BCAR3: variants seen among roughly 807,000 people sequenced by gnomAD.
BCAR3 encodes breast cancer anti-estrogen resistance protein 3.
In BCAR3, 37 loss-of-function variants were observed where a neutral mutation model predicts 80.1. The ratio of observed to expected loss-of-function variants is 0.46; its 90% CI spans 0.36 to 0.61. BCAR3 has a LOEUF of 0.61. Ranked by LOEUF, BCAR3 falls within the 20% of genes least tolerant of loss-of-function variation. The probability of loss-of-function intolerance (pLI) is 0.00; values close to 1 mark genes in which losing one functional copy is unlikely to be tolerated. For missense variants in BCAR3, 978 were observed against 1,068.2 expected, an observed-to-expected ratio of 0.92 and a Z score of 1.18; for synonymous variants, 389 against 418.9, an observed-to-expected ratio of 0.93 and a Z score of 0.87.
intron 2 of BCAR3, among the ~76,000 whole-genome samples, chr1:93,777,893 A>G (rs978925828): frequency 6.6e-6 from 1 of 152,226 alleles, no homozygotes; most frequent in Non-Finnish European, 1.5e-5. Context: ...TCCAAAGGTG[A>G]ACAATGGTCT....
chr1:93,595,895 T>C (rs1674401395), intron 3 of BCAR3, among the ~76,000 whole-genome samples: 1 of 152,258 alleles, frequency 6.6e-6, no homozygotes, highest in South Asian at 2.1e-4. Flanking sequence ...ACATACAACC[T>C]GAATTACTGG....
chr1:93,770,143 C>T (rs1054855606), intron 2 of BCAR3, among the ~76,000 whole-genome samples: 1 of 152,176 alleles, frequency 6.6e-6, no homozygotes, highest in Non-Finnish European at 1.5e-5. Flanking sequence ...TTGGCCCAGG[C>T]TCCACTGGAG....
intron 3 of BCAR3, among the ~76,000 whole-genome samples, chr1:93,693,505 C>A (rs1649273541): frequency 6.6e-6 from 1 of 152,176 alleles, no homozygotes; most frequent in African/African-American, 2.4e-5. Context: ...ACAATCCTCG[C>A]ATATTCTGAA....
chr1:93,625,391 T>C (rs1272016532), intron 3 of BCAR3, among the ~76,000 whole-genome samples: 1 of 151,966 alleles, frequency 6.6e-6, no homozygotes, highest in Non-Finnish European at 1.5e-5. Flanking sequence ...GTAGAGACCA[T>C]GAGGAGACAG....
intron 4 of BCAR3, chr1:93,590,384 A>G (rs1043248487): frequency 2.6e-5 from 4 of 152,208 alleles, no homozygotes; most frequent in African/African-American, 9.7e-5. Context: ...ATCATCTGAA[A>G]AACACAAATG....
intron 2 of BCAR3, among the ~76,000 whole-genome samples, chr1:93,766,760 T>G (rs545782087): frequency 2.6e-5 from 4 of 152,370 alleles, no homozygotes; most frequent in South Asian, 4.1e-4. Flanking sequence ...GTCTATCTGT[T>G]GGAGGTTTCC....
At chr1:93,597,346 TTAA>T (rs2101859635) in intron 3 of BCAR3, among the ~76,000 whole-genome samples, 1 of 152,262 alleles carries the variant, frequency 6.6e-6, no homozygotes, top group East Asian at 1.9e-4. Flanking sequence ...AGTTAGAAAA[TTAA>T]TAAGTTACTA....
At chr1:93,762,199 C>G (rs1354778660) in intron 2 of BCAR3, among the ~76,000 whole-genome samples, 1 of 152,228 alleles carries the variant, frequency 6.6e-6, no homozygotes, top group Non-Finnish European at 1.5e-5. Context: ...AGACACATCT[C>G]ACTCCTCCAT....
intron 3 of BCAR3, among the ~76,000 whole-genome samples, chr1:93,615,380 G>A (rs184703095): frequency 1.6e-4 from 24 of 152,274 alleles, no homozygotes; most frequent in Admixed American, 9.8e-4. Flanking sequence ...GCAAGGGCCC[G>A]GCCTCATCAA....
intron 2 of BCAR3, among the ~76,000 whole-genome samples, chr1:93,832,536 A>C (rs151055561): frequency 1.1e-3 from 169 of 152,256 alleles, no homozygotes; most frequent in Non-Finnish European, 2.1e-3. Flanking sequence ...GAAGACTGAC[A>C]CTGCCCAATC....
chr1:93,601,585 A>C (rs1674625458), intron 3 of BCAR3, among the ~76,000 whole-genome samples: 1 of 152,250 alleles, frequency 6.6e-6, no homozygotes, highest in African/African-American at 2.4e-5. Flanking sequence ...TGCGAGTGCA[A>C]GACAGTTTTG....
At position 93,592,362 on chromosome 1, in the gene BCAR3, G is replaced by A. The variant is rs941343350; in HGVS notation, c.389C>T (p.Thr130Ile). The change falls in exon 4 of 12, where the codon ACC becomes ATC. Residue 130 changes from threonine to isoleucine, a missense_variant. By Grantham distance (89) the Thr-to-Ile change is moderately conservative (BLOSUM62 -1). Coordinates refer to ENST00000260502, the MANE Select transcript of BCAR3 (RefSeq NM_003567.4). This position sits in a 1 kb window ranked among gnomAD's most constrained non-coding sequence, Gnocchi z 4.8. ...CAGCTCCTTCTTCAGTTTCTCGGGGGTCCTGTCCATGATGTGCCTCTCCTT... is the reference window on the plus strand; with the variant it reads ...CAGCTCCTTCTTCAGTTTCTCGGGGATCCTGTCCATGATGTGCCTCTCCTT... ...FSKERHIMDR[T>I]PEKLKKELEE... The A allele has an allele frequency of 5.2e-5, 84 of 1,605,380 alleles. No homozygotes were observed. Among genetic ancestry groups the A allele is most frequent in the Non-Finnish European group, 7.0e-5 (83 of 1,179,380 alleles).
At chr1:93,838,428 G>A (rs867921164) in intron 2 of BCAR3, among the ~76,000 whole-genome samples, 2 of 152,180 alleles carry the variant, frequency 1.3e-5, no homozygotes, top group Non-Finnish European at 2.9e-5. Flanking sequence ...TATGAGAGTA[G>A]CACGAAGCCA....
intron 2 of BCAR3, among the ~76,000 whole-genome samples, chr1:93,731,605 G>A (rs1650790637): frequency 6.6e-6 from 1 of 151,468 alleles, no homozygotes. Flanking sequence ...AAACAGCAGT[G>A]GGAAGCCTCT....
chr1:93,797,915 C>A lies in BCAR3; in HGVS notation c.-63+47652G>T, dbSNP rs527851594. On this transcript the variant is annotated intron_variant, in intron 2 of 13. Coordinates refer to the BCAR3 transcript ENST00000370244. Reference sequence around the variant, plus strand: ...AATCATAACCAATACATATTTATAACCCTGAGCTGGAGGTAAGTGGATAAA... The same window carrying A: ...AATCATAACCAATACATATTTATAAACCTGAGCTGGAGGTAAGTGGATAAA... Among the ~76,000 whole-genome samples, 226 of 152,254 alleles carry A rather than the reference C, an allele frequency of 1.5e-3. 1 individual carries two copies. Among genetic ancestry groups the A allele is most frequent in the Admixed American group, 2.5e-3 (38 of 15,300 alleles).
chr1:93,699,295 C>T (rs1205501380), intron 3 of BCAR3, among the ~76,000 whole-genome samples: 1 of 152,058 alleles, frequency 6.6e-6, no homozygotes. Flanking sequence ...GGAGAGAAAC[C>T]CAAAATAGTG....
chr1:93,627,470 A>T (rs1372393285), intron 3 of BCAR3, among the ~76,000 whole-genome samples: 2 of 152,336 alleles, frequency 1.3e-5, no homozygotes, highest in South Asian at 2.1e-4. Flanking sequence ...TCTGAACTGC[A>T]TACCTGTGCA....
chr1:93,582,876 C>T lies in BCAR3; in HGVS notation c.1111G>A (p.Glu371Lys), dbSNP rs140733181. 4.3e-6 allele frequency: 7 copies of T among 1,610,944 alleles called. No individual in the cohort carries two copies. The highest frequency in any genetic ancestry group is 5.9e-6 in the Non-Finnish European group (7 of 1,179,982). ...ACCACTGCTGGGCTCAGGGCAGGCT[C>T]GCTTCCCGTCCTGAACACAGGTGAG... ...PNSPVFRTGS[E>K]PALSPAVVRR... Residue 371 changes from glutamate (E) to lysine (K), a missense_variant, in exon 7 of 12, where the codon GAG becomes AAG. Physicochemically the swap from Glu to Lys is moderately conservative, Grantham distance 56. Coordinates refer to ENST00000260502, the MANE Select transcript of BCAR3 (RefSeq NM_003567.4).
At chr1:93,664,747 A>T (rs1013352133) in intron 2 of BCAR3, among the ~76,000 whole-genome samples, 1 of 152,224 alleles carries the variant, frequency 6.6e-6, no homozygotes, top group African/African-American at 2.4e-5. Context: ...TGAATAGGGT[A>T]AGAACAAGAA....
Sources: allele counts gnomAD v4.1 joint callset (sites outside exome capture counted in the v4.1 genomes callset), GRCh38; gene constraint gnomAD v4.1.1; non-coding constraint Gnocchi (gnomAD v3.1); transcripts MANE v1.5; gene names NCBI Gene and HGNC (gene_info 2026-07-23, HGNC 2026-07-21).